The following CFAP20DC variants were observed in gnomAD, a reference collection of about 807,000 sequenced individuals.
CFAP20DC encodes the protein CFAP20 domain containing, also known as protein CFAP20DC.
A neutral mutation model predicts 101.7 loss-of-function variants in CFAP20DC; 84 were observed. The observed-to-expected ratio is 0.83, with a 90% CI of 0.69 to 0.99. The LOEUF is 0.99. Ranked by LOEUF, CFAP20DC falls within the 50% of genes least tolerant of loss-of-function variation. The pLI, the probability that CFAP20DC is intolerant of heterozygous loss-of-function variation, is 0.00. For missense variants in CFAP20DC, 1,007 were observed against 970.3 expected, an observed-to-expected ratio of 1.04 and a Z score of -0.50; for synonymous variants, 359 against 351.2, an observed-to-expected ratio of 1.02 and a Z score of -0.25.
intron 15 of CFAP20DC, among the ~76,000 whole-genome samples, chr3:58,778,398 G>A (rs1272270149): frequency 2.0e-5 from 3 of 152,120 alleles, no homozygotes; most frequent in Non-Finnish European, 4.4e-5. Context: ...GTGAGGTGGG[G>A]CGTTCTCTAC....
At chr3:58,933,708 T>A (rs1212966087) in intron 5 of CFAP20DC, among the ~76,000 whole-genome samples, 2 of 151,638 alleles carry the variant, frequency 1.3e-5, no homozygotes, top group Non-Finnish European at 3.0e-5. Flanking sequence ...GAAATAAAGA[T>A]GTTCTTTGAA....
intron 13 of CFAP20DC, among the ~76,000 whole-genome samples, chr3:58,833,658 T>C (rs1332222073): frequency 6.6e-6 from 1 of 152,158 alleles, no homozygotes; most frequent in Non-Finnish European, 1.5e-5. Context: ...GGAAAACAGT[T>C]TGGCAGTTCC....
chr3:58,745,319 T>C (rs941963258), intron 16 of CFAP20DC, among the ~76,000 whole-genome samples: 5 of 152,218 alleles, frequency 3.3e-5, no homozygotes, highest in African/African-American at 9.6e-5. Context: ...GTATCTGCTA[T>C]GTGATTGAGC....
chr3:59,045,718 A>G (rs554514016), intron 3 of CFAP20DC, among the ~76,000 whole-genome samples: 3 of 152,240 alleles, frequency 2.0e-5, no homozygotes, highest in East Asian at 1.9e-4. Context: ...TTAAAAGGTA[A>G]TAAGTATATG....
rs2107615518 is a variant in CFAP20DC, at chr3:58,788,070, G to A, written c.2237+18325C>T. On this transcript the variant is annotated intron_variant, in intron 15 of 16. Coordinates refer to ENST00000482387, the MANE Select transcript of CFAP20DC (RefSeq NM_001394063.1). This position sits in a 1 kb window ranked among gnomAD's most constrained non-coding sequence, Gnocchi z 4.2. Reference sequence around the variant, plus strand: ...GTTGATAGGTGCAGCAAACCACCATGGCATGTGTATACCTATACATATATA... The same window carrying A: ...GTTGATAGGTGCAGCAAACCACCATAGCATGTGTATACCTATACATATATA... Among the ~76,000 whole-genome samples the A allele has an allele frequency of 6.6e-6, 1 of 151,660 alleles. No individual in the cohort carries two copies. The highest frequency in any genetic ancestry group is 1.9e-4 in the East Asian group (1 of 5,146).
rs779142524 is a variant in CFAP20DC at position 58,863,626 on chromosome 3, C to G, written c.1525G>C (p.Asp509His). The G allele has an allele frequency of 1.2e-6, 2 of 1,614,148 alleles. No homozygotes were observed. The highest frequency in any genetic ancestry group is 1.7e-6 in the Non-Finnish European group (2 of 1,180,028). ...GTGTCTCTGCTTGTCACACTGTTAT[C>G]CTCTTTTAGATCCAAAATAAATGAG... ...ELSFILDLKEDNSVTSRDTQS... is the reference protein window; with the variant it reads ...ELSFILDLKEHNSVTSRDTQS... The change falls in exon 12 of 17, where the codon GAT becomes CAT. Residue 509 changes from aspartate to histidine, a missense_variant. By Grantham distance (81) the Asp-to-His change is moderately conservative. Transcript: ENST00000482387. The surrounding 1 kb of genome is among the most constrained non-coding windows in gnomAD (Gnocchi z 5.9).
chr3:59,036,646 G>A (rs1430204527), intron 4 of CFAP20DC, among the ~76,000 whole-genome samples: 1 of 152,090 alleles, frequency 6.6e-6, no homozygotes, highest in Admixed American at 6.5e-5. Context: ...AATAAGAGAG[G>A]ACACAAACAA....
intron 3 of CFAP20DC, among the ~76,000 whole-genome samples, chr3:59,044,628 TCA>T (rs1699693222): frequency 6.6e-6 from 1 of 152,098 alleles, no homozygotes. Flanking sequence ...ATTTAATCAT[TCA>T]GTCTTTAGTA....
intron 6 of CFAP20DC, among the ~76,000 whole-genome samples, chr3:58,887,045 T>C (rs1249871422): frequency 6.6e-6 from 1 of 152,170 alleles, no homozygotes; most frequent in Non-Finnish European, 1.5e-5. Context: ...TCTAATTAGA[T>C]CCTAATGTCC....
At chr3:58,993,201 T>C (rs2092998375) in intron 4 of CFAP20DC, among the ~76,000 whole-genome samples, 1 of 152,214 alleles carries the variant, frequency 6.6e-6, no homozygotes, top group African/African-American at 2.4e-5. Flanking sequence ...CCTTCATTTT[T>C]AATAGAATGC....
chr3:58,971,352 G>T lies in CFAP20DC; in HGVS notation c.279-33590C>A, dbSNP rs954737482. Among the ~76,000 whole-genome samples the T allele has an allele frequency of 6.6e-6, 1 of 151,786 alleles. No individual in the cohort carries two copies. The highest frequency in any genetic ancestry group is 2.1e-4 in the South Asian group (1 of 4,806). ...TTTTTTAAAGTTTAAAATAAATTGCGCACCAATCAAAATTTGACAGTATCC... is the reference window on the plus strand; with the variant it reads ...TTTTTTAAAGTTTAAAATAAATTGCTCACCAATCAAAATTTGACAGTATCC... On this transcript the variant is annotated intron_variant, in intron 4 of 16. Coordinates refer to ENST00000482387, the MANE Select transcript of CFAP20DC (RefSeq NM_001394063.1). This position sits in a 1 kb window ranked among gnomAD's most constrained non-coding sequence, Gnocchi z 4.1.
At chr3:58,770,268 C>G (rs1393403848) in intron 15 of CFAP20DC, among the ~76,000 whole-genome samples, 10 of 152,170 alleles carry the variant, frequency 6.6e-5, no homozygotes, top group African/African-American at 1.7e-4. Context: ...TCCTTTCCTT[C>G]TATAGACTGT....
chr3:58,853,209 T>C (rs1351649786), intron 12 of CFAP20DC, among the ~76,000 whole-genome samples: 4 of 152,286 alleles, frequency 2.6e-5, no homozygotes, highest in African/African-American at 4.8e-5. Context: ...CAAACACCTC[T>C]ACGCAAATAA....
chr3:58,827,255 C>A (rs918991974), intron 14 of CFAP20DC, among the ~76,000 whole-genome samples: 1 of 151,900 alleles, frequency 6.6e-6, no homozygotes, highest in Non-Finnish European at 1.5e-5. Context: ...TAGCCAAAAA[C>A]CAAAAAACCA....
rs13077312 is a variant in CFAP20DC at position 58,774,984 on chromosome 3, A to C, written c.2238-21121T>G. On this transcript the variant is annotated intron_variant, in intron 15 of 16. Coordinates refer to ENST00000482387, the MANE Select transcript of CFAP20DC (RefSeq NM_001394063.1). ...AAGCACAAATAAATACTTGCTAACT[A>C]TTGTAAACCCAGACAATCTGAGACA... Among the ~76,000 whole-genome samples the C allele has an allele frequency of 3.7e-3, 562 of 152,226 alleles. 2 individuals are homozygous for C. The highest frequency in any genetic ancestry group is 6.8e-3 in the Middle Eastern group (2 of 294).
chr3:58,725,497 A>G (rs1397032321), intron 3 of CFAP20DC, among the ~76,000 whole-genome samples: 2 of 152,210 alleles, frequency 1.3e-5, no homozygotes, highest in Non-Finnish European at 2.9e-5. Context: ...ACTGTAACCA[A>G]CACGACGGGT....
chr3:58,901,626 T>C (rs2083155445), intron 6 of CFAP20DC, among the ~76,000 whole-genome samples: 1 of 152,232 alleles, frequency 6.6e-6, no homozygotes, highest in Non-Finnish European at 1.5e-5. Context: ...AAGCACTACA[T>C]CTTACTAAGT....
chr3:58,866,840 T>A, intron 10 of CFAP20DC, 152 bp from the exon 11 acceptor site: 2 of 506,898 alleles, frequency 3.9e-6, no homozygotes, highest in Non-Finnish European at 6.9e-6. Context: ...GTTTTTTTTT[T>A]CAGTAGACTG....
intron 3 of CFAP20DC, among the ~76,000 whole-genome samples, chr3:58,734,241 G>A (rs1174918524): frequency 6.6e-6 from 1 of 152,182 alleles, no homozygotes; most frequent in East Asian, 1.9e-4. Context: ...TGTACAGCCT[G>A]CAGAACGGTG....
Sources: allele counts gnomAD v4.1 joint callset (sites outside exome capture counted in the v4.1 genomes callset), GRCh38; gene constraint gnomAD v4.1.1; non-coding constraint Gnocchi (gnomAD v3.1); transcripts MANE v1.5; gene names NCBI Gene and HGNC (gene_info 2026-07-23, HGNC 2026-07-21).